Variants in DCP2 observed in about 807,000 individuals in gnomAD.
The protein encoded by DCP2 is decapping mRNA 2, also known as m7GpppN-mRNA hydrolase.
DCP2 carries 30 observed loss-of-function variants against 56.1 expected under a neutral mutation model. The observed-to-expected ratio is 0.53, with a 90% CI of 0.40 to 0.73. The LOEUF (loss-of-function observed/expected upper bound fraction) is 0.73, where lower values mean the gene tolerates loss of function less well. DCP2 is among the 30% of genes least tolerant of loss of function. The pLI is 0.00. For synonymous variants in DCP2, 197 were observed against 163.3 expected (o/e 1.21, Z -1.57); for missense variants, 533 against 502.7 (o/e 1.06, Z -0.58).
intron 8 of DCP2, among the ~76,000 whole-genome samples, chr5:113,004,624 C>T (rs1749327025): frequency 6.6e-6 from 1 of 152,106 alleles, no homozygotes; most frequent in Non-Finnish European, 1.5e-5. Flanking sequence ...ATACACAGTT[C>T]TGTGTAACTA....
At chr5:113,000,415 CA>C (rs1173066176) in intron 4 of DCP2, among the ~76,000 whole-genome samples, 12 of 115,268 alleles carry the variant, frequency 1.0e-4, no homozygotes, top group Middle Eastern at 4.1e-3. Flanking sequence ...CACACACACA[CA>C]CACACACACC....
intron 7 of DCP2, among the ~76,000 whole-genome samples, chr5:113,003,124 T>TTA (rs1561700003): frequency 1.1e-4 from 17 of 149,614 alleles, no homozygotes; most frequent in Non-Finnish European, 1.9e-4. Context: ...AATGCCCTGA[T>TTA]GTCTTTCAGA....
chr5:113,005,155 T>TGTGTGC (rs971354728), intron 8 of DCP2, among the ~76,000 whole-genome samples: 2 of 150,054 alleles, frequency 1.3e-5, no homozygotes, highest in African/African-American at 4.9e-5. Context: ...CGTGTGGGTG[T>TGTGTGC]GTGTGTGTGT....
At chr5:113,002,329 A>C (rs1428338283) in intron 7 of DCP2, among the ~76,000 whole-genome samples, 1 of 151,770 alleles carries the variant, frequency 6.6e-6, no homozygotes, top group Non-Finnish European at 1.5e-5. Flanking sequence ...AGGCTGAGGC[A>C]GGAGAATGGC....
chr5:113,009,000 C>A (rs1749564724), intron 9 of DCP2, among the ~76,000 whole-genome samples: 1 of 152,106 alleles, frequency 6.6e-6, no homozygotes, highest in African/African-American at 2.4e-5. Context: ...TGCGCCACCA[C>A]CCCTGGCTAA....
At chr5:113,013,292 CTTAT>C in intron 10 of DCP2, 25 bp from the exon 11 acceptor site, 2 of 1,591,940 alleles carry the variant, frequency 1.3e-6, no homozygotes, top group Non-Finnish European at 1.7e-6. Context: ...GGTTACTGAG[CTTAT>C]TTATTTTGTT....
rs1337828646 is a variant in DCP2 at position 113,015,991 on chromosome 5, G to A, written c.*2507G>A. 1 of 152,604 alleles carries A rather than the reference G, an allele frequency of 6.6e-6. No individual in the cohort carries two copies. Among genetic ancestry groups the A allele is most frequent in the African/African-American group, 2.4e-5 (1 of 41,454 alleles). 9.5% of individuals were successfully genotyped at this position (152,604 alleles called of 1,614,324 possible). On this transcript the variant is annotated 3_prime_UTR_variant, in exon 11 of 11. Coordinates refer to ENST00000389063, the MANE Select transcript of DCP2 (RefSeq NM_152624.6). ...TTGGTTTTGCTTCATTATGTTTTAT[G>A]TCTTTGAGAGAGATACAGGTCTTGG...
intron 2 of DCP2, among the ~76,000 whole-genome samples, chr5:112,987,958 A>G (rs768016768): frequency 3.3e-5 from 5 of 152,030 alleles, no homozygotes; most frequent in Admixed American, 6.6e-5. Flanking sequence ...GTGTATGTTT[A>G]ATGGATTTGT....
In DCP2 at chr5:113,017,997, C is replaced by A. The variant is rs141099637; in HGVS notation, c.*4513C>A. On this transcript the variant is annotated 3_prime_UTR_variant, in exon 11 of 11. Transcript: ENST00000389063. ...GAGTCTGGTCCTTCCTGTACTGATA[C>A]TGTAGAACTCCAGTCAAACTTCAGT... 1 of 152,156 alleles carries A rather than the reference C, an allele frequency of 6.6e-6. No individual in the cohort carries two copies. Among genetic ancestry groups the A allele is most frequent in the South Asian group, 2.1e-4 (1 of 4,830 alleles). 9.4% of individuals were successfully genotyped at this position (152,156 alleles called of 1,614,324 possible).
At chr5:113,001,500 C>A in intron 6 of DCP2, 31 bp downstream of exon 6, 1 of 1,608,590 alleles carries the variant, frequency 6.2e-7, no homozygotes, top group Non-Finnish European at 8.5e-7. Flanking sequence ...ATGTAACTTT[C>A]ATGATTGGGA....
chr5:113,005,434 G>A (rs907016870), intron 8 of DCP2, among the ~76,000 whole-genome samples: 1 of 152,064 alleles, frequency 6.6e-6, no homozygotes, highest in Admixed American at 6.6e-5. Context: ...AATAATTAGT[G>A]GTATCTCCAC....
chr5:113,007,859 A>G (rs1749510757), intron 8 of DCP2, 79 bp from the exon 9 acceptor site: 1 of 1,279,904 alleles, frequency 7.8e-7, no homozygotes, highest in Non-Finnish European at 1.1e-6. Flanking sequence ...TCAACCAGCT[A>G]AACATATTCA....
Position 112,982,270 on chromosome 5 carries a change from A to T in DCP2, c.54-3565A>T, listed in dbSNP as rs1002586930. 1.6e-4 allele frequency among the ~76,000 whole-genome samples: 25 copies of T among 152,186 alleles called. No homozygotes were observed. The South Asian group carries it at 2.1e-3, about 13-fold the overall frequency. Reference sequence around the variant, plus strand: ...TTATCCTCAATCATACTTTCGACAGAATCCTTTTTTCCCTTTAGACTGCAC... The same window carrying T: ...TTATCCTCAATCATACTTTCGACAGTATCCTTTTTTCCCTTTAGACTGCAC... On this transcript the variant is annotated intron_variant, in intron 1 of 10. Transcript: ENST00000389063.
chr5:112,992,529 C>G, intron 3 of DCP2, 143 bp from the exon 4 acceptor site: 1 of 714,194 alleles, frequency 1.4e-6, no homozygotes, highest in Non-Finnish European at 2.3e-6. Flanking sequence ...TATTCAGACT[C>G]ACTGAAGATA....
At position 113,017,760 on chromosome 5, in the gene DCP2, T is replaced by A. The variant is rs1471523099; in HGVS notation, c.*4276T>A. ...CATTTATCAATACTTGAGTGCTTTA[T>A]TATGTTCCAGGCTAGAAATGTGATC... On this transcript the variant is annotated 3_prime_UTR_variant, in exon 11 of 11. Transcript: ENST00000389063. 6.6e-6 allele frequency: 1 copy of A among 152,188 alleles called. No individual in the cohort carries two copies. The highest frequency in any genetic ancestry group is 1.5e-5 in the Non-Finnish European group (1 of 68,038). 9.4% of individuals were successfully genotyped at this position (152,188 alleles called of 1,614,324 possible). A position where few individuals can be genotyped will look rare whatever the true frequency, so the allele number is the denominator to read the frequency against.
intron 9 of DCP2, 32 bp downstream of exon 9, chr5:113,008,074 A>G: frequency 6.4e-7 from 1 of 1,566,126 alleles, no homozygotes. Flanking sequence ...CTAAGTAGGC[A>G]GTTCATCCTC....
Position 113,021,515 on chromosome 5 carries a change from A to G in DCP2, c.*8031A>G, listed in dbSNP as rs1750132641. Among the ~76,000 whole-genome samples the G allele has an allele frequency of 6.6e-6, 1 of 152,106 alleles. No homozygotes were observed. Among genetic ancestry groups the G allele is most frequent in the East Asian group, 1.9e-4 (1 of 5,180 alleles). On this transcript the variant is annotated 3_prime_UTR_variant, in exon 11 of 11. Coordinates refer to ENST00000389063, the MANE Select transcript of DCP2 (RefSeq NM_152624.6). The stretch of plus-strand genomic sequence containing the variant: ...AGTGTAGGGCTTGAGATGTGAATTC[A>G]TTAGATATTTAAAATCCAGCAATTC...
At chr5:112,998,472 C>T (rs1748967130) in intron 4 of DCP2, among the ~76,000 whole-genome samples, 2 of 152,178 alleles carry the variant, frequency 1.3e-5, no homozygotes. Flanking sequence ...ATACTTATAT[C>T]ATATTAAAAT....
rs112132449 is a variant in DCP2, at chr5:112,985,807, A to ATTT, written c.54-25_54-23dup. On this transcript the variant is annotated intron_variant, in intron 1 of 10. Coordinates refer to ENST00000389063, the MANE Select transcript of DCP2 (RefSeq NM_152624.6). ...TAAATCGTTATAGTTTGTAAATGTA[A>ATTT]TTTTTGTATGTGTTTTGTTTTTGAC... The ATTT allele has an allele frequency of 4.9e-4, 784 of 1,591,178 alleles. 4 individuals carry two copies. The African/African-American group carries it at 9.3e-3, about 19-fold the overall frequency.
Sources: gnomAD v4.1 joint callset for allele counts (sites outside exome capture counted in the v4.1 genomes callset) on GRCh38, gnomAD v4.1.1 for gene constraint, MANE v1.5 for transcripts, NCBI Gene and HGNC (gene_info 2026-07-23, HGNC 2026-07-21) for gene names.